The following ZNF577 variants were observed in gnomAD, a reference collection of about 807,000 sequenced individuals.
ZNF577 encodes the protein zinc finger protein 577.
In ZNF577, 14 loss-of-function variants were observed where a neutral mutation model predicts 13.9. The observed-to-expected ratio is 1.00, with a 90% CI of 0.66 to 1.57. The LOEUF (loss-of-function observed/expected upper bound fraction) is 1.57. Among genes scored for constraint, ZNF577 ranks in the 40% most tolerant of loss-of-function variants. ZNF577 has a pLI of 0.00. For synonymous variants in ZNF577, 203 were observed against 202.9 expected, an observed-to-expected ratio of 1.00 and a Z score of 0.00; for missense variants, 555 against 579.2, an observed-to-expected ratio of 0.96 and a Z score of 0.43.
At chr19:51,850,564 C>T (rs934505998) in intron 5 of ZNF577, among the ~76,000 whole-genome samples, 11 of 152,342 alleles carry the variant, frequency 7.2e-5, no homozygotes, top group African/African-American at 2.2e-4. Flanking sequence ...TCTGTAGCCT[C>T]CTGCTGTAAT....
rs2084964091 is a variant in ZNF577 at position 51,887,351 on chromosome 19, C to T, written c.-749G>A. On this transcript the variant is annotated 5_prime_UTR_variant, in exon 1 of 6. Coordinates refer to ENST00000638348, the MANE Select transcript of ZNF577 (RefSeq NM_001370449.1). ...GTTATTAAAGACGAATAAAATTATA[C>T]CAATACCTAGACACCTGATCCCAAC... is the stretch of plus-strand genomic sequence containing the variant. 1 of 152,118 alleles carries T rather than the reference C, an allele frequency of 6.6e-6. No homozygotes were observed. Among genetic ancestry groups the T allele is most frequent in the South Asian group, 2.1e-4 (1 of 4,824 alleles). 9.4% of individuals were successfully genotyped at this position (152,118 alleles called of 1,614,324 possible).
At chr19:51,806,530 A>G (rs1453586577) in intron 10 of ZNF577, among the ~76,000 whole-genome samples, 1 of 152,000 alleles carries the variant, frequency 6.6e-6, no homozygotes, top group African/African-American at 2.4e-5. Context: ...GGCCTCCTAT[A>G]CCCCCTTTTT....
chr19:51,876,641 A>C (rs114213680), intron 5 of ZNF577, among the ~76,000 whole-genome samples: 2,065 of 152,154 alleles, frequency 0.014, 50 homozygotes, highest in African/African-American at 0.045. Context: ...AAAGTAATGC[A>C]ATCCAGCCAG....
chr19:51,809,255 A>T (rs1402139335), intron 10 of ZNF577, among the ~76,000 whole-genome samples: 1 of 152,248 alleles, frequency 6.6e-6, no homozygotes, highest in Non-Finnish European at 1.5e-5. Flanking sequence ...GACCAAGACA[A>T]GGTAAAATCT....
chr19:51,834,316 T>C (rs1000437756), intron 9 of ZNF577, among the ~76,000 whole-genome samples: 1 of 152,008 alleles, frequency 6.6e-6, no homozygotes, highest in African/African-American at 2.4e-5. Context: ...GGCCTCAAGA[T>C]ACAGAGAATT....
chr19:51,860,241 G>A (rs118189386), intron 5 of ZNF577: 1 of 152,288 alleles, frequency 6.6e-6, no homozygotes, highest in Non-Finnish European at 1.5e-5. Flanking sequence ...TATCACTGAT[G>A]CTTTTACCAC....
rs2084596374 is a variant in ZNF577 at position 51,868,263 on chromosome 19, T to A, written c.*4269A>T. ...CTGTTAACAGTGATGCAGTTGTTAA[T>A]AGGCCAGTTCCGGACACTCCATAGG... On this transcript the variant is annotated 3_prime_UTR_variant, in exon 6 of 6. Transcript: ENST00000638348. Among the ~76,000 whole-genome samples, 1 of 152,160 alleles carries A rather than the reference T, an allele frequency of 6.6e-6. No homozygotes were observed. The highest frequency in any genetic ancestry group is 2.4e-5 in the African/African-American group (1 of 41,428).
chr19:51,882,657 G>A (rs549798263), intron 1 of ZNF577, among the ~76,000 whole-genome samples: 1 of 152,046 alleles, frequency 6.6e-6, no homozygotes, highest in African/African-American at 2.4e-5. Context: ...GGTGGTGCAT[G>A]CATGTAGTCC....
Position 51,824,295 on chromosome 19 carries a change from T to C in ZNF577, c.*600-12621A>G. 1 of 1,614,162 alleles carries C rather than the reference T, an allele frequency of 6.2e-7. No individual in the cohort carries two copies. The highest frequency in any genetic ancestry group is 8.5e-7 in the Non-Finnish European group (1 of 1,180,014). On this transcript the variant is annotated intron_variant and NMD_transcript_variant, in intron 9 of 10. Coordinates refer to the ZNF577 transcript ENST00000638827. The surrounding 1 kb of genome is among the most constrained non-coding windows in gnomAD (Gnocchi z 4.7). ...ATACTGTATTTTCAACTTTGCATTC[T>C]GGGGTGACACTGCTGTAGAGAGGTT... is the stretch of plus-strand genomic sequence containing the variant.
At chr19:51,883,876 C>G (rs1306436775) in intron 1 of ZNF577, among the ~76,000 whole-genome samples, 1 of 152,122 alleles carries the variant, frequency 6.6e-6, no homozygotes, top group Non-Finnish European at 1.5e-5. Flanking sequence ...AGTTCAAGAC[C>G]AGCCTGGCCA....
chr19:51,880,051 C>T (rs1479671925), intron 3 of ZNF577, among the ~76,000 whole-genome samples: 2 of 152,144 alleles, frequency 1.3e-5, no homozygotes, highest in Admixed American at 1.3e-4. Flanking sequence ...TCAAGCAGCC[C>T]ATTCATTCTA....
At chr19:51,879,870 C>A (rs8110073) in intron 3 of ZNF577, among the ~76,000 whole-genome samples, 34,511 of 151,978 alleles carry the variant, frequency 0.23, 4,831 homozygotes, top group South Asian at 0.41. Context: ...CAAAACAAGC[C>A]GAACTGGTGC....
chr19:51,880,241 C>T, intron 3 of ZNF577, 82 bp downstream of exon 3: 1 of 1,399,286 alleles, frequency 7.1e-7, no homozygotes, highest in Non-Finnish European at 1.0e-6. Flanking sequence ...TATTACAAGG[C>T]TGACTTTGAG....
intron 5 of ZNF577, among the ~76,000 whole-genome samples, chr19:51,876,013 T>C (rs2084756185): frequency 1.3e-5 from 2 of 152,076 alleles, no homozygotes; most frequent in South Asian, 4.2e-4. Context: ...CAGCAGAACC[T>C]AAATATAATG....
intron 3 of ZNF577, chr19:51,878,812 G>C (rs556663677): frequency 3.6e-6 from 1 of 276,462 alleles, no homozygotes; most frequent in African/African-American, 2.1e-5. Flanking sequence ...TTAAATTACA[G>C]CACCTCCATG....
Position 51,869,343 on chromosome 19 carries a change from T to C in ZNF577, c.*3189A>G, listed in dbSNP as rs1291332341. Among the ~76,000 whole-genome samples the C allele has an allele frequency of 1.3e-5, 2 of 152,190 alleles. No homozygotes were observed. Among genetic ancestry groups the C allele is most frequent in the East Asian group, 1.9e-4 (1 of 5,190 alleles). Reference sequence around the variant, plus strand: ...ACTGTTCTTTACTGCACTGAGATATTTGTGTAAAGTCAAACATAAATCTGG... The same window carrying C: ...ACTGTTCTTTACTGCACTGAGATATCTGTGTAAAGTCAAACATAAATCTGG... On this transcript the variant is annotated 3_prime_UTR_variant, in exon 6 of 6. Coordinates refer to ENST00000638348, the MANE Select transcript of ZNF577 (RefSeq NM_001370449.1).
rs2084213716 is a variant in ZNF577 at position 51,824,245 on chromosome 19, C to T, written c.*600-12571G>A. On this transcript the variant is annotated intron_variant and NMD_transcript_variant, in intron 9 of 10. Coordinates refer to the ZNF577 transcript ENST00000638827. This position sits in a 1 kb window ranked among gnomAD's most constrained non-coding sequence, Gnocchi z 4.7. ...TTACCAAATTTCATCTTCTGGACTA[C>T]AATAAGTACTACGAATGGGGACACA... is the stretch of plus-strand genomic sequence containing the variant. 6.2e-7 allele frequency: 1 copy of T among 1,614,050 alleles called. No individual in the cohort carries two copies. Among genetic ancestry groups the T allele is most frequent in the Admixed American group, 1.7e-5 (1 of 60,002 alleles).
rs556591063 is a variant in ZNF577 at position 51,886,841 on chromosome 19, G to A, written c.-239C>T. The A allele has an allele frequency of 2.7e-4, 41 of 152,258 alleles. No individual in the cohort carries two copies. Among genetic ancestry groups the A allele is most frequent in the African/African-American group, 9.6e-4 (40 of 41,546 alleles). 9.4% of individuals were successfully genotyped at this position (152,258 alleles called of 1,614,324 possible). ...CGTACCCAAGTCAGAGGCAGAGGCAGGTACTTCTTACTCCACAGTCCATAC... is the reference window on the plus strand; with the variant it reads ...CGTACCCAAGTCAGAGGCAGAGGCAAGTACTTCTTACTCCACAGTCCATAC... On this transcript the variant is annotated 5_prime_UTR_variant, in exon 1 of 6. Transcript: ENST00000638348.
At chr19:51,859,086 G>T (rs1599858354) in intron 5 of ZNF577, among the ~76,000 whole-genome samples, 1 of 152,146 alleles carries the variant, frequency 6.6e-6, no homozygotes, top group East Asian at 1.9e-4. Flanking sequence ...ATAAATGAAA[G>T]TATAAAATGT....
Sources: gnomAD v4.1 joint callset for allele counts (sites outside exome capture counted in the v4.1 genomes callset) on GRCh38, gnomAD v4.1.1 for gene constraint, Gnocchi (gnomAD v3.1) non-coding constraint, MANE v1.5 for transcripts, NCBI Gene and HGNC (gene_info 2026-07-23, HGNC 2026-07-21) for gene names.